CSMD2: variants seen among roughly 807,000 people sequenced by gnomAD.
CSMD2 encodes CUB and sushi domain-containing protein 2.
Under a neutral mutation model 398.5 loss-of-function variants are expected in CSMD2, and 130 were observed. The ratio of observed to expected loss-of-function variants is 0.33; its 90% CI spans 0.28 to 0.38. CSMD2 has a LOEUF of 0.38. CSMD2 is among the 10% of genes least tolerant of loss of function. The probability of loss-of-function intolerance (pLI) is 1.00; values close to 1 mark genes in which losing one functional copy is unlikely to be tolerated. For missense variants in CSMD2, 3,829 were observed against 4,764.9 expected (o/e 0.80, Z 5.78); for synonymous variants, 1,828 against 1,908.5 (o/e 0.96, Z 1.10).
In CSMD2 at chr1:33,541,428, C is replaced by T. The variant is rs1440408035; in HGVS notation, c.9278-119G>A. 7 of 762,398 alleles carry T rather than the reference C, an allele frequency of 9.2e-6. No homozygotes were observed. In the East Asian group the frequency reaches 1.3e-4, roughly 14 times the overall value. 47.2% of individuals were successfully genotyped at this position (762,398 alleles called of 1,614,324 possible). ...AGGGAAACTGTCAGATCAGGGATGC[C>T]CTGTCTCCTCACAGGATCCCAGTTG... On this transcript the variant is annotated intron_variant, in intron 58 of 70. Coordinates refer to ENST00000373381, the MANE Select transcript of CSMD2 (RefSeq NM_001281956.2).
At chr1:33,723,594 G>C (rs1030294423) in intron 19 of CSMD2, among the ~76,000 whole-genome samples, 3 of 152,146 alleles carry the variant, frequency 2.0e-5, no homozygotes, top group African/African-American at 7.2e-5. Context: ...CTCACGTTAG[G>C]GGAGCTGAGG....
chr1:33,808,817 A>T (rs1656522671), intron 10 of CSMD2, among the ~76,000 whole-genome samples: 1 of 152,022 alleles, frequency 6.6e-6, no homozygotes, highest in Non-Finnish European at 1.5e-5. Context: ...GGAAAGACTA[A>T]CAAATGTTAA....
chr1:33,859,811 TGA>T (rs1424447546), intron 5 of CSMD2, among the ~76,000 whole-genome samples: 1 of 152,220 alleles, frequency 6.6e-6, no homozygotes, highest in Non-Finnish European at 1.5e-5. Flanking sequence ...CTGCAAAATC[TGA>T]GAGATACTTT....
chr1:33,653,301 T>C (rs1643863129), intron 27 of CSMD2, among the ~76,000 whole-genome samples: 1 of 152,184 alleles, frequency 6.6e-6, no homozygotes, highest in Non-Finnish European at 1.5e-5. Context: ...CTTCCTTCAC[T>C]GCCTCACATC....
Position 33,824,557 on chromosome 1 carries a change from G to A in CSMD2, c.1111+1140C>T, listed in dbSNP as rs1036379815. Among the ~76,000 whole-genome samples, 8 of 152,092 alleles carry A rather than the reference G, an allele frequency of 5.3e-5. No homozygotes were observed. In the South Asian group the frequency reaches 1.2e-3, roughly 24 times the overall value. ...GTGCCTCTTCTCCTGATGTTCTCCC[G>A]GCCACACACATCGGCACAGAGCTCG... On this transcript the variant is annotated intron_variant, in intron 7 of 70. Transcript: ENST00000373381.
At chr1:33,915,868 G>C (rs887842034) in intron 5 of CSMD2, among the ~76,000 whole-genome samples, 2 of 152,204 alleles carry the variant, frequency 1.3e-5, no homozygotes, top group African/African-American at 4.8e-5. Context: ...TGGCTTGGAA[G>C]ACAGCCTTTA....
chr1:33,783,257 G>A (rs1653022942), intron 12 of CSMD2, among the ~76,000 whole-genome samples: 2 of 152,106 alleles, frequency 1.3e-5, no homozygotes, highest in Non-Finnish European at 2.9e-5. Flanking sequence ...CTGAACTTGT[G>A]TGTTCCCCCA....
chr1:33,976,106 G>T (rs1645953532), intron 3 of CSMD2, among the ~76,000 whole-genome samples: 1 of 152,160 alleles, frequency 6.6e-6, no homozygotes, highest in Admixed American at 6.6e-5. Context: ...GACCCGGGTT[G>T]CTGTCTCACC....
intron 1 of CSMD2, among the ~76,000 whole-genome samples, chr1:34,128,178 T>C (rs1159537125): frequency 1.3e-5 from 2 of 152,080 alleles, no homozygotes; most frequent in Admixed American, 1.3e-4. Flanking sequence ...CTGGACCTTT[T>C]TGAGGGCTTC....
intron 5 of CSMD2, among the ~76,000 whole-genome samples, chr1:33,890,637 T>A (rs1641944211): frequency 6.6e-6 from 1 of 152,116 alleles, no homozygotes; most frequent in Non-Finnish European, 1.5e-5. Context: ...GCTACCTGAC[T>A]TCAAACTATA....
chr1:33,749,065 G>A (rs1211661599), intron 13 of CSMD2, among the ~76,000 whole-genome samples: 1 of 147,126 alleles, frequency 6.8e-6, no homozygotes, highest in Non-Finnish European at 1.5e-5. Context: ...AGCTCAATGA[G>A]GAAAACAAAG....
At chr1:33,939,862 C>T (rs186930397) in intron 3 of CSMD2, among the ~76,000 whole-genome samples, 13 of 152,292 alleles carry the variant, frequency 8.5e-5, no homozygotes, top group East Asian at 3.9e-4. Context: ...TTCAAATCCC[C>T]GATCTGGCTG....
intron 5 of CSMD2, among the ~76,000 whole-genome samples, chr1:33,854,707 A>C (rs1156533810): frequency 6.6e-6 from 1 of 152,224 alleles, no homozygotes; most frequent in Non-Finnish European, 1.5e-5. Context: ...TAAACTCAAC[A>C]AATTATCAGA....
intron 25 of CSMD2, among the ~76,000 whole-genome samples, chr1:33,689,402 C>T (rs1645162169): frequency 6.6e-6 from 1 of 152,148 alleles, no homozygotes; most frequent in African/African-American, 2.4e-5. Flanking sequence ...CTTTCTTCTT[C>T]CCATTTTGGG....
intron 44 of CSMD2, among the ~76,000 whole-genome samples, chr1:33,596,229 TTC>T (rs1639825819): frequency 6.6e-6 from 1 of 152,070 alleles, no homozygotes; most frequent in Admixed American, 6.6e-5. Context: ...GGGCTGAACC[TTC>T]TCTGTGTGGC....
At chr1:33,763,101 T>C (rs1007485236) in intron 13 of CSMD2, among the ~76,000 whole-genome samples, 1 of 152,064 alleles carries the variant, frequency 6.6e-6, no homozygotes, top group African/African-American at 2.4e-5. Flanking sequence ...ACCACATGTA[T>C]CACAACCCCA....
chr1:34,164,991 C>T lies in CSMD2; in HGVS notation c.107G>A (p.Trp36Ter). 1 of 1,209,168 alleles carries T rather than the reference C, an allele frequency of 8.3e-7. No homozygotes were observed. The highest frequency in any genetic ancestry group is 1.0e-6 in the Non-Finnish European group (1 of 973,768). 74.9% of individuals were successfully genotyped at this position (1,209,168 alleles called of 1,614,324 possible). A position where few individuals can be genotyped will look rare whatever the true frequency, so the allele number is the denominator to read the frequency against. ...SALVPGAGSR[W>*]GRPPPPTPPP... Reference sequence around the variant, plus strand: ...CGGCGTTGGCGGCGGCGGGCGGCCCCAGCGGCTCCCGGCGCCCGGCACAAG... The same window carrying T: ...CGGCGTTGGCGGCGGCGGGCGGCCCTAGCGGCTCCCGGCGCCCGGCACAAG... The change falls in exon 1 of 71, where the codon TGG becomes TAG. Residue 36 changes from tryptophan to a stop codon, truncating the protein, a stop_gained. Coordinates refer to ENST00000373381, the MANE Select transcript of CSMD2 (RefSeq NM_001281956.2). LOFTEE classifies it high-confidence loss of function. This position sits in a 1 kb window ranked among gnomAD's most constrained non-coding sequence, Gnocchi z 6.2.
At chr1:33,653,005 T>C (rs1643845342) in intron 27 of CSMD2, among the ~76,000 whole-genome samples, 1 of 152,134 alleles carries the variant, frequency 6.6e-6, no homozygotes, top group South Asian at 2.1e-4. Flanking sequence ...GATCCACCCA[T>C]CTCAGCCTTC....
In CSMD2 at chr1:33,768,654, AGGGCCATTTCCCACAGCATCTCTGT is replaced by A. The variant is rs980504403; in HGVS notation, c.1846+3890_1846+3914del. On this transcript the variant is annotated intron_variant, in intron 13 of 70. Transcript: ENST00000373381. Reference sequence around the variant, plus strand: ...AGGAAGATACTAGCAGAGGGCCAGTAGGGCCATTTCCCACAGCATCTCTGTGGGCCATTTCCCACAGCATCTCTTT... The same window carrying A: ...AGGAAGATACTAGCAGAGGGCCAGTAGGGCCATTTCCCACAGCATCTCTTT... Among the ~76,000 whole-genome samples, 77 of 151,838 alleles carry A rather than the reference AGGGCCATTTCCCACAGCATCTCTGT, an allele frequency of 5.1e-4. 1 individual carries two copies. Among genetic ancestry groups the A allele is most frequent in the Non-Finnish European group, 8.4e-4 (57 of 67,956 alleles).
Sources: gnomAD v4.1 joint callset for allele counts (sites outside exome capture counted in the v4.1 genomes callset) on GRCh38, gnomAD v4.1.1 for gene constraint, Gnocchi (gnomAD v3.1) non-coding constraint, MANE v1.5 for transcripts, NCBI Gene and HGNC (gene_info 2026-07-23, HGNC 2026-07-21) for gene names.